Variants in RASAL2 observed in about 807,000 individuals in gnomAD.
The protein encoded by RASAL2 is RAS protein activator like 2.
Under a neutral mutation model 128.9 loss-of-function variants are expected in RASAL2, and 58 were observed. The observed-to-expected ratio is 0.45, with a 90% CI of 0.36 to 0.56. The LOEUF is 0.56. Ranked by LOEUF, RASAL2 falls within the 20% of genes least tolerant of loss-of-function variation. The pLI is 0.00. For synonymous variants in RASAL2, 561 were observed against 580.8 expected (o/e 0.97, Z 0.49); for missense variants, 1,360 against 1,601.6 (o/e 0.85, Z 2.57).
chr1:178,154,481 T>C (rs939380964), intron 1 of RASAL2, among the ~76,000 whole-genome samples: 3 of 152,086 alleles, frequency 2.0e-5, no homozygotes, highest in Non-Finnish European at 4.4e-5. Context: ...TGCCAGACTG[T>C]TTTCCAAAGT....
At chr1:178,191,350 G>GT (rs1553257741) in intron 1 of RASAL2, among the ~76,000 whole-genome samples, 1 of 146,464 alleles carries the variant, frequency 6.8e-6, no homozygotes, top group East Asian at 2.0e-4. Flanking sequence ...ATAGATAAAT[G>GT]AAAAAAAAAC....
At chr1:178,263,359 A>G (rs1333220868) in intron 1 of RASAL2, among the ~76,000 whole-genome samples, 4 of 152,200 alleles carry the variant, frequency 2.6e-5, no homozygotes, top group Non-Finnish European at 5.9e-5. Flanking sequence ...ATTCCTACAT[A>G]GTAGAAACCA....
At chr1:178,408,612 G>GTTTTTTTTTTTTTTTTT (rs756656921) in intron 4 of RASAL2, among the ~76,000 whole-genome samples, 21 of 142,464 alleles carry the variant, frequency 1.5e-4, no homozygotes, top group African/African-American at 5.4e-4. Flanking sequence ...GTTTTTTTTT[G>GTTTTTTTTTTTTTTTTT]TTTTTTGTTT....
rs75725392 is a variant in RASAL2, at chr1:178,264,482, A to C, written c.203-19082A>C. ...ATCCCCTTGTATAATTTAGAAAATC[A>C]GAGGTTCTTACAACCCCCTCTCAGA... On this transcript the variant is annotated intron_variant, in intron 1 of 17. Transcript: ENST00000367649. Among the ~76,000 whole-genome samples, 1,336 of 152,342 alleles carry C rather than the reference A, an allele frequency of 8.8e-3. 11 individuals carry two copies. Among genetic ancestry groups the C allele is most frequent in the Middle Eastern group, 0.02 (6 of 294 alleles).
At chr1:178,131,514 C>A (rs1405151910) in intron 1 of RASAL2, among the ~76,000 whole-genome samples, 2 of 151,016 alleles carry the variant, frequency 1.3e-5, no homozygotes, top group Non-Finnish European at 2.9e-5. Context: ...AGCTACTGCA[C>A]CCAGCTAGGA....
intron 1 of RASAL2, among the ~76,000 whole-genome samples, chr1:178,158,228 A>G (rs551394904): frequency 6.6e-6 from 1 of 152,342 alleles, no homozygotes; most frequent in East Asian, 1.9e-4. Context: ...AGAACGGAGG[A>G]TGTGCATCAT....
At chr1:178,448,799 T>A (rs1677188685) in intron 9 of RASAL2, among the ~76,000 whole-genome samples, 1 of 152,094 alleles carries the variant, frequency 6.6e-6, no homozygotes, top group African/African-American at 2.4e-5. Flanking sequence ...TGAAATAATT[T>A]CCAAAATGAA....
intron 1 of RASAL2, among the ~76,000 whole-genome samples, chr1:178,148,844 A>G (rs1296876916): frequency 6.6e-6 from 1 of 151,912 alleles, no homozygotes. Context: ...ATGTAAATAC[A>G]TGGGTTTATT....
chr1:178,335,028 T>C (rs1309335496), intron 3 of RASAL2, among the ~76,000 whole-genome samples: 3 of 152,130 alleles, frequency 2.0e-5, no homozygotes, highest in Non-Finnish European at 4.4e-5. Context: ...TATCATAAAA[T>C]ATAACAAGAT....
At chr1:178,324,710 C>T (rs540640448) in intron 3 of RASAL2, among the ~76,000 whole-genome samples, 6 of 152,212 alleles carry the variant, frequency 3.9e-5, no homozygotes, top group South Asian at 2.1e-4. Context: ...AGCTAAATAT[C>T]GTTTAATTGT....
chr1:178,120,453 A>G (rs1659674852), intron 1 of RASAL2, among the ~76,000 whole-genome samples: 3 of 152,230 alleles, frequency 2.0e-5, no homozygotes, highest in Admixed American at 2.0e-4. Flanking sequence ...AGAGGCATAG[A>G]TGGAAGTGGT....
chr1:178,318,054 A>G (rs1668571610), intron 3 of RASAL2, among the ~76,000 whole-genome samples: 1 of 151,654 alleles, frequency 6.6e-6, no homozygotes, highest in Admixed American at 6.6e-5. Context: ...TTATGTACCC[A>G]GTAGTCATTC....
chr1:178,351,274 C>T (rs1273471711), intron 3 of RASAL2, among the ~76,000 whole-genome samples: 2 of 152,232 alleles, frequency 1.3e-5, no homozygotes, highest in Non-Finnish European at 2.9e-5. Context: ...CCTTCCAAAT[C>T]TCATGTTCTT....
At chr1:178,245,684 G>C (rs12120534) in intron 1 of RASAL2, among the ~76,000 whole-genome samples, 3,627 of 152,140 alleles carry the variant, frequency 0.024, 55 homozygotes, top group Middle Eastern at 0.044. Flanking sequence ...TTTCTTCTAG[G>C]GTTTTTACGG....
At chr1:178,107,941 G>T (rs180853564) in intron 1 of RASAL2, among the ~76,000 whole-genome samples, 50 of 152,250 alleles carry the variant, frequency 3.3e-4, no homozygotes, top group Non-Finnish European at 2.9e-4. Flanking sequence ...ATCTGTTTGA[G>T]TCTCTGCTTT....
At chr1:178,111,158 T>G (rs1380907147) in intron 1 of RASAL2, among the ~76,000 whole-genome samples, 1 of 152,252 alleles carries the variant, frequency 6.6e-6, no homozygotes, top group Middle Eastern at 3.2e-3. Context: ...ATTCTACAAT[T>G]GTTTGCCAGC....
chr1:178,141,307 C>T (rs1430679120), intron 1 of RASAL2, among the ~76,000 whole-genome samples: 1 of 150,508 alleles, frequency 6.6e-6, no homozygotes, highest in South Asian at 2.1e-4. Context: ...GCTCGAATGC[C>T]TGGGGTTTAT....
At chr1:178,173,342 C>T (rs1385803001) in intron 1 of RASAL2, among the ~76,000 whole-genome samples, 1 of 152,036 alleles carries the variant, frequency 6.6e-6, no homozygotes, top group Non-Finnish European at 1.5e-5. Flanking sequence ...ATTCATGTTT[C>T]CTGAGATAAT....
Position 178,458,189 on chromosome 1 carries a change from G to C in RASAL2, c.2897G>C (p.Gly966Ala). ...QSNSEDFKLS[G>A]PSNSSMEDFT... ...AACAGTGAAGACTTCAAGCTCAGTGGACCCAGCAATAGCAGCATGGAAGAT... is the reference window on the plus strand; with the variant it reads ...AACAGTGAAGACTTCAAGCTCAGTGCACCCAGCAATAGCAGCATGGAAGAT... Residue 966 changes from glycine to alanine, a missense_variant, in exon 14 of 18, where the codon GGA (glycine) becomes GCA (alanine). Gly to Ala is a moderately conservative substitution (Grantham distance 60). Coordinates refer to ENST00000367649, the MANE Select transcript of RASAL2 (RefSeq NM_170692.4). 2.5e-6 allele frequency: 4 copies of C among 1,614,202 alleles called. No individual in the cohort carries two copies. The highest frequency in any genetic ancestry group is 3.4e-6 in the Non-Finnish European group (4 of 1,180,044).
Sources: gnomAD v4.1 joint callset for allele counts (sites outside exome capture counted in the v4.1 genomes callset) on GRCh38, gnomAD v4.1.1 for gene constraint, MANE v1.5 for transcripts, NCBI Gene and HGNC (gene_info 2026-07-23, HGNC 2026-07-21) for gene names.